The following PDE8B variants were observed in gnomAD, a reference collection of about 807,000 sequenced individuals.
The protein encoded by PDE8B is phosphodiesterase 8B, also known as high affinity cAMP-specific and IBMX-insensitive 3',5'-cyclic phosphodiesterase 8B.
In PDE8B, 26 loss-of-function variants were observed where a neutral mutation model predicts 101.3. That is an observed-to-expected ratio of 0.26 (90% CI 0.19 to 0.36). PDE8B has a LOEUF of 0.36. PDE8B is among the 10% of genes least tolerant of loss of function. PDE8B has a pLI of 1.00. For synonymous variants in PDE8B, 424 were observed against 429.3 expected, an observed-to-expected ratio of 0.99 and a Z score of 0.15; for missense variants, 810 against 1,163.1, an observed-to-expected ratio of 0.70 and a Z score of 4.42.
At chr5:77,121,803 G>C in the PDE8B span, among the ~76,000 whole-genome samples, 2 of 152,166 alleles carry the variant, frequency 1.3e-5, no homozygotes, top group Non-Finnish European at 2.9e-5. Flanking sequence ...ACCGCTTCCA[G>C]CCTAGCTTCA....
At chr5:77,253,467 C>T (rs1293694335) in intron 1 of PDE8B, among the ~76,000 whole-genome samples, 1 of 152,128 alleles carries the variant, frequency 6.6e-6, no homozygotes, top group Admixed American at 6.5e-5. Context: ...AAAAACCACT[C>T]AAAATATTAA....
the PDE8B span, among the ~76,000 whole-genome samples, chr5:77,123,816 A>G: frequency 3.3e-5 from 5 of 152,226 alleles, no homozygotes; most frequent in South Asian, 1.0e-3. Context: ...CTGGACAAGA[A>G]CAACTTTCAA....
intron 6 of PDE8B, 76 bp downstream of exon 6, chr5:77,337,391 C>A (rs1778395395): frequency 2.5e-6 from 2 of 806,164 alleles, no homozygotes; most frequent in Non-Finnish European, 4.3e-6. Context: ...GGCTGATGTT[C>A]AGGGGTTCAT....
intron 7 of PDE8B, among the ~76,000 whole-genome samples, chr5:77,346,422 T>C (rs1324769483): frequency 6.6e-6 from 1 of 152,236 alleles, no homozygotes; most frequent in African/African-American, 2.4e-5. Context: ...TGGATTTGAT[T>C]TCAGAAATGA....
chr5:77,156,182 G>A, the PDE8B span, among the ~76,000 whole-genome samples: 62 of 152,310 alleles, frequency 4.1e-4, no homozygotes, highest in African/African-American at 1.5e-3. Context: ...GGGTGGTAGA[G>A]GGAAGATATT....
chr5:77,157,899 G>C, the PDE8B span, among the ~76,000 whole-genome samples: 3 of 152,296 alleles, frequency 2.0e-5, no homozygotes, highest in Non-Finnish European at 4.4e-5. Flanking sequence ...CCTCTCTCTA[G>C]TTACTGACTG....
At chr5:77,102,154 A>G in the PDE8B span, among the ~76,000 whole-genome samples, 647 of 152,282 alleles carry the variant, frequency 4.2e-3, 4 homozygotes, top group African/African-American at 0.015. Context: ...GTGCGAGTGA[A>G]ATGTCCAGTT....
chr5:77,332,689 T>C (rs1019357695), intron 5 of PDE8B, among the ~76,000 whole-genome samples: 2 of 152,096 alleles, frequency 1.3e-5, no homozygotes, highest in South Asian at 2.1e-4. Flanking sequence ...AATACAAAAT[T>C]AGCTGGGCGT....
Position 77,427,506 on chromosome 5 carries a change from C to T in PDE8B, c.*952C>T, listed in dbSNP as rs999900636. Reference sequence around the variant, plus strand: ...TATGTTGTGCCATGCACCATCTATACGTAATATTTTGGGAGGGGATAGGGG... The same window carrying T: ...TATGTTGTGCCATGCACCATCTATATGTAATATTTTGGGAGGGGATAGGGG... On this transcript the variant is annotated 3_prime_UTR_variant, in exon 22 of 22. Transcript: ENST00000264917. 7 of 151,820 alleles carry T rather than the reference C, an allele frequency of 4.6e-5. No homozygotes were observed. Among genetic ancestry groups the T allele is most frequent in the Admixed American group, 1.3e-4 (2 of 15,250 alleles). The allele number at this position is 151,820 out of a possible 1,614,324, so 9.4% of individuals were successfully genotyped here. A position where few individuals can be genotyped will look rare whatever the true frequency, so the allele number is the denominator to read the frequency against.
At chr5:77,260,731 G>A (rs1019943679) in intron 1 of PDE8B, among the ~76,000 whole-genome samples, 2 of 151,812 alleles carry the variant, frequency 1.3e-5, no homozygotes, top group Non-Finnish European at 2.9e-5. Context: ...GGGATTGCAG[G>A]CATGTACCAC....
In PDE8B at chr5:77,357,937, G is replaced by C. The variant is rs72766966; in HGVS notation, c.1167+4531G>C. ...GGGTTTCTGCTGCCTGCAACCCTTG[G>C]TGGCCCATTCTGGTTCCCACCGCCA... On this transcript the variant is annotated intron_variant, in intron 10 of 21. Coordinates refer to ENST00000264917, the MANE Select transcript of PDE8B (RefSeq NM_003719.5). 3.2e-3 allele frequency among the ~76,000 whole-genome samples: 485 copies of C among 152,218 alleles called. 1 individual carries two copies. The highest frequency in any genetic ancestry group is 5.8e-3 in the Non-Finnish European group (394 of 68,008).
chr5:77,162,027 A>G, the PDE8B span, among the ~76,000 whole-genome samples: 2 of 151,706 alleles, frequency 1.3e-5, no homozygotes, highest in East Asian at 3.9e-4. Context: ...TATGTAGTAC[A>G]TTTCCTAAAA....
the PDE8B span, chr5:77,087,123 G>C: frequency 6.6e-6 from 1 of 152,458 alleles, no homozygotes; most frequent in East Asian, 1.9e-4. Context: ...CTTTACCCGG[G>C]AAACGCGGCC....
chr5:77,419,731 C>T (rs145912244), intron 18 of PDE8B, 36 bp from the exon 19 acceptor site: 2 of 1,612,260 alleles, frequency 1.2e-6, no homozygotes, highest in East Asian at 4.5e-5. Context: ...TTGAGACACG[C>T]TGTGAACAAG....
At chr5:77,408,154 T>G (rs757751702) in intron 13 of PDE8B, among the ~76,000 whole-genome samples, 2 of 152,032 alleles carry the variant, frequency 1.3e-5, no homozygotes, top group African/African-American at 2.4e-5. Flanking sequence ...TGGAGAGAAA[T>G]GAATAGATCA....
intron 4 of PDE8B, 122 bp from the exon 5 acceptor site, chr5:77,331,280 G>A: frequency 3.5e-6 from 3 of 850,684 alleles, no homozygotes; most frequent in Non-Finnish European, 6.1e-6. Flanking sequence ...GTGGGCACGT[G>A]CTCGTCAGGA....
chr5:77,364,382 G>A (rs188301229), intron 10 of PDE8B, among the ~76,000 whole-genome samples: 19 of 152,286 alleles, frequency 1.2e-4, no homozygotes, highest in Admixed American at 4.6e-4. Context: ...AGACTCAAGC[G>A]TCTGGATCTT....
At chr5:77,274,613 T>A (rs576479802) in intron 1 of PDE8B, among the ~76,000 whole-genome samples, 75 of 152,326 alleles carry the variant, frequency 4.9e-4, no homozygotes, top group African/African-American at 1.6e-3. Flanking sequence ...CAATTAAGTA[T>A]AAATTTAGAA....
chr5:77,411,579 T>C, intron 14 of PDE8B, 97 bp from the exon 15 acceptor site: 1 of 975,384 alleles, frequency 1.0e-6, no homozygotes, highest in South Asian at 1.4e-5. Flanking sequence ...TTGGTTGGGT[T>C]ATTCAGGATT....
Sources: allele counts gnomAD v4.1 joint callset (sites outside exome capture counted in the v4.1 genomes callset), GRCh38; gene constraint gnomAD v4.1.1; transcripts MANE v1.5; gene names NCBI Gene and HGNC (gene_info 2026-07-23, HGNC 2026-07-21).